The following HSPA12A variants were observed in gnomAD, a reference collection of about 807,000 sequenced individuals.
HSPA12A encodes heat shock protein family A (Hsp70) member 12A, also known as heat shock 70 kDa protein 12A.
In HSPA12A, 28 loss-of-function variants were observed where a neutral mutation model predicts 69.2. The ratio of observed to expected loss-of-function variants is 0.40; its 90% CI spans 0.30 to 0.55. The LOEUF (loss-of-function observed/expected upper bound fraction) is 0.55. HSPA12A is among the 20% of genes least tolerant of loss of function. The probability of loss-of-function intolerance (pLI) is 0.38; values close to 1 mark genes in which losing one functional copy is unlikely to be tolerated. For missense variants in HSPA12A, 686 were observed against 900.7 expected (o/e 0.76, Z 3.05); for synonymous variants, 345 against 370.5 (o/e 0.93, Z 0.79).
chr10:116,826,156 A>T (rs1589727965), intron 2 of HSPA12A, among the ~76,000 whole-genome samples: 1 of 151,566 alleles, frequency 6.6e-6, no homozygotes, highest in African/African-American at 2.4e-5. Flanking sequence ...CTTTCCCGTC[A>T]CCTCCCAGGG....
chr10:116,838,432 A>G (rs925050024), intron 1 of HSPA12A, among the ~76,000 whole-genome samples: 8 of 140,656 alleles, frequency 5.7e-5, no homozygotes, highest in Non-Finnish European at 7.4e-5. Flanking sequence ...GGAGGGGGGG[A>G]AAACAGAACA....
At chr10:116,748,875 G>A (rs1032508519) in intron 2 of HSPA12A, among the ~76,000 whole-genome samples, 1 of 152,124 alleles carries the variant, frequency 6.6e-6, no homozygotes, top group East Asian at 1.9e-4. Flanking sequence ...AGATTTGGGC[G>A]GGGACACAGC....
At chr10:116,756,870 G>C (rs1241547703) in intron 2 of HSPA12A, among the ~76,000 whole-genome samples, 2 of 152,206 alleles carry the variant, frequency 1.3e-5, no homozygotes, top group African/African-American at 4.8e-5. Flanking sequence ...GGGTGGGCCA[G>C]TCCAGGTGTA....
intron 2 of HSPA12A, among the ~76,000 whole-genome samples, chr10:116,821,418 A>G (rs1439282344): frequency 6.6e-6 from 1 of 152,150 alleles, no homozygotes; most frequent in Non-Finnish European, 1.5e-5. Flanking sequence ...GCTGCTGCTC[A>G]GATGCCACCT....
chr10:116,736,529 G>C (rs1235809816), intron 1 of HSPA12A, among the ~76,000 whole-genome samples: 1 of 152,132 alleles, frequency 6.6e-6, no homozygotes, highest in African/African-American at 2.4e-5. Flanking sequence ...CTTGAGATGG[G>C]GAAATGATTA....
intron 2 of HSPA12A, chr10:116,749,984 G>A (rs1341309217): frequency 4.9e-6 from 1 of 205,748 alleles, no homozygotes; most frequent in African/African-American, 2.3e-5. Context: ...GGGTAAAATG[G>A]ATTACTGTGC....
chr10:116,725,115 G>C (rs782504726), intron 1 of HSPA12A, among the ~76,000 whole-genome samples: 1 of 152,320 alleles, frequency 6.6e-6, no homozygotes, highest in East Asian at 1.9e-4. Flanking sequence ...GCCTTACAGA[G>C]AAAACACAGT....
At chr10:116,799,222 C>T (rs756150751) in intron 2 of HSPA12A, among the ~76,000 whole-genome samples, 3 of 152,310 alleles carry the variant, frequency 2.0e-5, no homozygotes, top group African/African-American at 4.8e-5. Context: ...CACAGAGCCA[C>T]GTACACAGCT....
At chr10:116,776,395 C>T (rs2133127312) in intron 2 of HSPA12A, among the ~76,000 whole-genome samples, 1 of 152,376 alleles carries the variant, frequency 6.6e-6, no homozygotes, top group Middle Eastern at 3.4e-3. Flanking sequence ...CTCCCAGGAA[C>T]TCACTTCCAT....
At chr10:116,728,763 A>G (rs1346216655) in intron 1 of HSPA12A, among the ~76,000 whole-genome samples, 1 of 152,204 alleles carries the variant, frequency 6.6e-6, no homozygotes, top group Non-Finnish European at 1.5e-5. Flanking sequence ...GTTTTCTTTT[A>G]AAAGAGAACA....
chr10:116,797,929 A>C (rs1218925830), intron 2 of HSPA12A, among the ~76,000 whole-genome samples: 2 of 152,184 alleles, frequency 1.3e-5, no homozygotes, highest in Non-Finnish European at 2.9e-5. Flanking sequence ...TTTAGCCAGA[A>C]GCCAGGCAGA....
chr10:116,814,766 G>A (rs1489076506), intron 2 of HSPA12A, among the ~76,000 whole-genome samples: 2 of 152,194 alleles, frequency 1.3e-5, no homozygotes, highest in African/African-American at 2.4e-5. Flanking sequence ...GGACCATTGC[G>A]AGATTGGGAT....
At chr10:116,751,742 G>A (rs1851780408) in intron 2 of HSPA12A, among the ~76,000 whole-genome samples, 1 of 152,172 alleles carries the variant, frequency 6.6e-6, no homozygotes, top group Admixed American at 6.5e-5. Flanking sequence ...GGTGGGACCT[G>A]GTGGGAGGTG....
intron 2 of HSPA12A, among the ~76,000 whole-genome samples, chr10:116,810,567 G>A (rs1187555667): frequency 6.6e-6 from 1 of 152,138 alleles, no homozygotes; most frequent in Non-Finnish European, 1.5e-5. Flanking sequence ...TTAAAGATGC[G>A]AGCCTGAGGG....
chr10:116,725,450 G>C (rs1554884855), intron 1 of HSPA12A, among the ~76,000 whole-genome samples: 1 of 152,204 alleles, frequency 6.6e-6, no homozygotes, highest in African/African-American at 2.4e-5. Context: ...TGGCATGGCA[G>C]TGTGCAAGGG....
Position 116,742,333 on chromosome 10 carries a change from C to G in HSPA12A, c.40+97G>C, listed in dbSNP as rs1589679126. 1.5e-5 allele frequency: 19 copies of G among 1,263,966 alleles called. No individual in the cohort carries two copies. In the South Asian group the frequency reaches 3.5e-4, roughly 23 times the overall value. The allele number at this position is 1,263,966 out of a possible 1,614,324, so 78.3% of individuals were successfully genotyped here. On this transcript the variant is annotated intron_variant, in intron 1 of 11. Coordinates refer to ENST00000369209, the MANE Select transcript of HSPA12A (RefSeq NM_025015.3). ...ATGCAGCGCGGGCGTCCCCACTTTT[C>G]CACGGCGCGCGAGGGGGTGCGGAGC...
intron 2 of HSPA12A, among the ~76,000 whole-genome samples, chr10:116,760,076 T>C (rs1299177345): frequency 6.6e-6 from 1 of 152,144 alleles, no homozygotes; most frequent in African/African-American, 2.4e-5. Context: ...ATACAGTGCT[T>C]ACCCAGGATC....
upstream of HSPA12A, among the ~76,000 whole-genome samples, chr10:116,742,859 C>T (rs1264642478): frequency 1.3e-5 from 2 of 151,820 alleles, no homozygotes; most frequent in South Asian, 2.1e-4. Flanking sequence ...GCTGCGGGAG[C>T]GGATTTCAGG....
At chr10:116,715,590 G>A (rs1850579702) in intron 1 of HSPA12A, among the ~76,000 whole-genome samples, 1 of 152,176 alleles carries the variant, frequency 6.6e-6, no homozygotes, top group Admixed American at 6.5e-5. Context: ...AGTTGATAAT[G>A]ACTAAAACTG....
Sources: allele counts gnomAD v4.1 joint callset (sites outside exome capture counted in the v4.1 genomes callset), GRCh38; gene constraint gnomAD v4.1.1; transcripts MANE v1.5; gene names NCBI Gene and HGNC (gene_info 2026-07-23, HGNC 2026-07-21).